Variants in PDZRN3 observed in about 807,000 individuals in gnomAD.
PDZRN3 encodes E3 ubiquitin-protein ligase PDZRN3.
In PDZRN3, 38 loss-of-function variants were observed where a neutral mutation model predicts 85.7. The ratio of observed to expected loss-of-function variants is 0.44; its 90% CI spans 0.34 to 0.58. The LOEUF (loss-of-function observed/expected upper bound fraction) is 0.58, where lower values mean the gene tolerates loss of function less well. Among genes scored for constraint, PDZRN3 ranks in the 20% least tolerant of loss-of-function variants. The probability of loss-of-function intolerance (pLI) is 0.01; values close to 1 mark genes in which losing one functional copy is unlikely to be tolerated. For synonymous variants in PDZRN3, 759 were observed against 638.0 expected (o/e 1.19, Z -2.86); for missense variants, 1,629 against 1,506.4 (o/e 1.08, Z -1.35).
At chr3:73,385,555 C>G (rs1481539555) in intron 9 of PDZRN3, 114 bp downstream of exon 9, 2 of 679,432 alleles carry the variant, frequency 2.9e-6, no homozygotes, top group Non-Finnish European at 5.2e-6. Flanking sequence ...TTCTTGCTGC[C>G]TTCCAGGTGG....
At chr3:73,521,664 A>G (rs954105337) in intron 3 of PDZRN3, among the ~76,000 whole-genome samples, 5 of 152,172 alleles carry the variant, frequency 3.3e-5, no homozygotes, top group South Asian at 2.1e-4. Context: ...AGCATTTTGC[A>G]TACTGCGTTG....
At chr3:73,454,046 T>C (rs1362244515) in intron 3 of PDZRN3, among the ~76,000 whole-genome samples, 2 of 152,134 alleles carry the variant, frequency 1.3e-5, no homozygotes, top group Non-Finnish European at 2.9e-5. Flanking sequence ...CTGTGAAAAG[T>C]ACAGGTAAAA....
intron 3 of PDZRN3, among the ~76,000 whole-genome samples, chr3:73,446,208 C>G (rs1702745338): frequency 6.6e-6 from 1 of 152,178 alleles, no homozygotes; most frequent in Non-Finnish European, 1.5e-5. Flanking sequence ...TTCTGCCCAC[C>G]TTCTCTTTGA....
rs116200356 is a variant in PDZRN3, at chr3:73,509,290, C to T, written c.918+93064G>A. Reference sequence around the variant, plus strand: ...GAGATGGGATGGTCTCAGGGCAACACGCTCACTAAGCATCTACCATGCAAC... The same window carrying T: ...GAGATGGGATGGTCTCAGGGCAACATGCTCACTAAGCATCTACCATGCAAC... On this transcript the variant is annotated intron_variant, in intron 3 of 9. Coordinates refer to ENST00000263666, the MANE Select transcript of PDZRN3 (RefSeq NM_015009.3). 1.4e-4 allele frequency among the ~76,000 whole-genome samples: 22 copies of T among 152,324 alleles called. 1 individual carries two copies. The highest frequency in any genetic ancestry group is 1.2e-3 in the Admixed American group (19 of 15,294).
At chr3:73,619,989 T>C (rs1196744453) in intron 1 of PDZRN3, among the ~76,000 whole-genome samples, 1 of 152,184 alleles carries the variant, frequency 6.6e-6, no homozygotes, top group Non-Finnish European at 1.5e-5. Flanking sequence ...TGATACTACT[T>C]GGAAAGCGCT....
At chr3:73,468,830 T>C (rs978924014) in intron 3 of PDZRN3, among the ~76,000 whole-genome samples, 5 of 152,094 alleles carry the variant, frequency 3.3e-5, no homozygotes, top group African/African-American at 1.2e-4. Context: ...CTGAATAAAC[T>C]TGGGCTTATC....
At chr3:73,611,307 GACATCTA>G (rs1702681740) in intron 1 of PDZRN3, among the ~76,000 whole-genome samples, 3 of 152,170 alleles carry the variant, frequency 2.0e-5, no homozygotes, top group African/African-American at 7.2e-5. Flanking sequence ...GATGTGTGAA[GACATCTA>G]AGTCCAGCCC....
intron 3 of PDZRN3, among the ~76,000 whole-genome samples, chr3:73,438,191 A>G (rs1227813970): frequency 6.6e-6 from 1 of 152,180 alleles, no homozygotes; most frequent in East Asian, 1.9e-4. Flanking sequence ...ACCAAGGAAC[A>G]CACAATGAGA....
intron 3 of PDZRN3, among the ~76,000 whole-genome samples, chr3:73,591,572 G>A (rs901908574): frequency 6.6e-6 from 1 of 152,130 alleles, no homozygotes; most frequent in Non-Finnish European, 1.5e-5. Flanking sequence ...TTGGCTTGCT[G>A]GAAACCTCCT....
chr3:73,424,252 C>T (rs1396107924), intron 3 of PDZRN3, among the ~76,000 whole-genome samples: 12 of 151,476 alleles, frequency 7.9e-5, no homozygotes, highest in Admixed American at 7.9e-4. Flanking sequence ...AATATGCAGG[C>T]CAGGCATGGT....
intron 3 of PDZRN3, among the ~76,000 whole-genome samples, chr3:73,493,646 T>C (rs1334925900): frequency 6.6e-6 from 1 of 152,150 alleles, no homozygotes; most frequent in Admixed American, 6.5e-5. Flanking sequence ...AGGGCAGCCA[T>C]CCCTCCTCTC....
chr3:73,523,877 G>A (rs1040493570), intron 3 of PDZRN3, among the ~76,000 whole-genome samples: 22 of 152,158 alleles, frequency 1.4e-4, no homozygotes, highest in African/African-American at 5.3e-4. Flanking sequence ...TTTTCAAAAA[G>A]CAGCAGGAAA....
At chr3:73,416,876 G>GTTTTTTTTTTTTTTTTTTT (rs146381615) in intron 3 of PDZRN3, among the ~76,000 whole-genome samples, 6 of 110,404 alleles carry the variant, frequency 5.4e-5, no homozygotes, top group Non-Finnish European at 9.1e-5. Flanking sequence ...TTTTTTTTTG[G>GTTTTTTTTTTTTTTTTTTT]TTTTTTTTTT....
intron 3 of PDZRN3, among the ~76,000 whole-genome samples, chr3:73,531,812 T>C (rs1197685248): frequency 6.6e-6 from 1 of 152,038 alleles, no homozygotes; most frequent in Non-Finnish European, 1.5e-5. Context: ...GCATTCAGGG[T>C]TCAGGCAGAA....
At chr3:73,562,922 G>A (rs370701931) in intron 3 of PDZRN3, among the ~76,000 whole-genome samples, 2 of 138,410 alleles carry the variant, frequency 1.4e-5, no homozygotes, top group Non-Finnish European at 3.0e-5. Flanking sequence ...TCTATGAATG[G>A]AAAATACATT....
At chr3:73,556,954 C>A (rs1329510832) in intron 3 of PDZRN3, 1 of 152,486 alleles carries the variant, frequency 6.6e-6, no homozygotes, top group East Asian at 1.9e-4. Context: ...TCCAGCCCCT[C>A]CCACATGCCC....
At chr3:73,535,454 C>G (rs1256889054) in intron 3 of PDZRN3, among the ~76,000 whole-genome samples, 1 of 152,190 alleles carries the variant, frequency 6.6e-6, no homozygotes, top group African/African-American at 2.4e-5. Flanking sequence ...ATCAGTGATA[C>G]AAATGCCCAG....
intron 3 of PDZRN3, among the ~76,000 whole-genome samples, chr3:73,586,087 A>C (rs895211840): frequency 1.3e-5 from 2 of 152,250 alleles, no homozygotes; most frequent in Non-Finnish European, 2.9e-5. Flanking sequence ...CATACCAAAA[A>C]TTAAACTCCT....
intron 3 of PDZRN3, among the ~76,000 whole-genome samples, chr3:73,411,942 C>G (rs1559664380): frequency 6.6e-6 from 1 of 152,192 alleles, no homozygotes; most frequent in African/African-American, 2.4e-5. Flanking sequence ...GTAATCCTCA[C>G]ACAAGGGAAG....
Sources: allele counts gnomAD v4.1 joint callset (sites outside exome capture counted in the v4.1 genomes callset), GRCh38; gene constraint gnomAD v4.1.1; transcripts MANE v1.5; gene names NCBI Gene and HGNC (gene_info 2026-07-23, HGNC 2026-07-21).